The following ARHGAP26 variants were observed in gnomAD, a reference collection of about 807,000 sequenced individuals.
ARHGAP26 encodes rho GTPase-activating protein 26.
A neutral mutation model predicts 104.8 loss-of-function variants in ARHGAP26; 38 were observed. The observed-to-expected ratio is 0.36, with a 90% confidence interval of 0.28 to 0.48. The LOEUF is 0.48. ARHGAP26 is among the 20% of genes least tolerant of loss of function. The pLI, the probability that ARHGAP26 is intolerant of heterozygous loss-of-function variation, is 0.99. For missense variants in ARHGAP26, 704 were observed against 947.9 expected (o/e 0.74, Z 3.38); for synonymous variants, 341 against 340.0 (o/e 1.00, Z -0.03).
rs375431090 is a variant in ARHGAP26, at chr5:142,903,609, C to A, written c.772C>A (p.Leu258Ile). Reference protein sequence around the residue: ...SLMKKMKENPLEHKTISPYTM... With the variant: ...SLMKKMKENPIEHKTISPYTM... ...GATGAAAAAGATGAAGGAGAATCCC[C>A]TTGAGCACAAGACCATCAGTCCCTA... Residue 258 changes from leucine (L) to isoleucine (I), a missense_variant, in exon 8 of 23, where the codon CTT becomes ATT. Transcript: ENST00000645722. 6.8e-6 allele frequency: 11 copies of A among 1,613,900 alleles called. No individual in the cohort carries two copies. The African/African-American group carries it at 1.3e-4, about 20-fold the overall frequency.
intron 17 of ARHGAP26, among the ~76,000 whole-genome samples, chr5:143,064,678 G>A (rs1787230724): frequency 6.6e-6 from 1 of 152,124 alleles, no homozygotes; most frequent in African/African-American, 2.4e-5. Flanking sequence ...AAATGGAAAG[G>A]AAGAAATCAG....
intron 11 of ARHGAP26, among the ~76,000 whole-genome samples, chr5:142,986,864 A>T (rs1212732973): frequency 2.6e-5 from 4 of 152,160 alleles, no homozygotes; most frequent in South Asian, 2.1e-4. Context: ...ATTGGTCTGT[A>T]TCTCTGTTTT....
At chr5:142,971,446 C>A (rs892359151) in intron 11 of ARHGAP26, among the ~76,000 whole-genome samples, 1 of 152,096 alleles carries the variant, frequency 6.6e-6, no homozygotes, top group Admixed American at 6.6e-5. Context: ...TCACTGAAGC[C>A]CTGGATTAGC....
chr5:142,890,871 A>G (rs1758561303), intron 5 of ARHGAP26, among the ~76,000 whole-genome samples: 1 of 152,250 alleles, frequency 6.6e-6, no homozygotes, highest in Non-Finnish European at 1.5e-5. Context: ...CTCACCAGCT[A>G]GGACATTGTA....
intron 1 of ARHGAP26, among the ~76,000 whole-genome samples, chr5:142,794,515 G>C (rs1291856883): frequency 6.6e-6 from 1 of 152,178 alleles, no homozygotes; most frequent in Non-Finnish European, 1.5e-5. Flanking sequence ...TACTTTGGGC[G>C]ATCAGGCTGT....
At position 143,180,212 on chromosome 5, in the gene ARHGAP26, G is replaced by A. The variant is rs556962363; in HGVS notation, c.1989-26986G>A. 2.6e-5 allele frequency among the ~76,000 whole-genome samples: 4 copies of A among 152,134 alleles called. No individual in the cohort carries two copies. In the East Asian group the frequency reaches 7.7e-4, roughly 29 times the overall value. On this transcript the variant is annotated intron_variant, in intron 20 of 22. Coordinates refer to ENST00000645722, the MANE Select transcript of ARHGAP26 (RefSeq NM_001135608.3). ...GCGATCTTGGCTCACTGCAACCTCCGCCTCCTGGGTTCAAGCGATTCCCCT... is the reference window on the plus strand; with the variant it reads ...GCGATCTTGGCTCACTGCAACCTCCACCTCCTGGGTTCAAGCGATTCCCCT...
At chr5:143,200,597 C>A (rs1599485311) in intron 20 of ARHGAP26, among the ~76,000 whole-genome samples, 1 of 151,454 alleles carries the variant, frequency 6.6e-6, no homozygotes, top group South Asian at 2.1e-4. Flanking sequence ...TATAATTCTC[C>A]AAAAAAAAGC....
chr5:142,919,598 A>G (rs1435625223), intron 10 of ARHGAP26, among the ~76,000 whole-genome samples: 1 of 151,994 alleles, frequency 6.6e-6, no homozygotes, highest in Non-Finnish European at 1.5e-5. Flanking sequence ...TTGCCAAGGA[A>G]CCCCACTTCA....
intron 17 of ARHGAP26, among the ~76,000 whole-genome samples, chr5:143,073,677 G>A (rs1252452127): frequency 2.0e-5 from 3 of 152,160 alleles, no homozygotes; most frequent in Non-Finnish European, 4.4e-5. Flanking sequence ...GATTACTTTT[G>A]TATTTAAAAA....
At chr5:142,965,656 A>G (rs1029283912) in intron 11 of ARHGAP26, among the ~76,000 whole-genome samples, 5 of 152,122 alleles carry the variant, frequency 3.3e-5, no homozygotes, top group African/African-American at 9.7e-5. Context: ...AATGATATTC[A>G]TATATAATCA....
At chr5:142,906,583 T>G (rs1034843381) in intron 8 of ARHGAP26, among the ~76,000 whole-genome samples, 3 of 152,244 alleles carry the variant, frequency 2.0e-5, no homozygotes, top group African/African-American at 7.2e-5. Flanking sequence ...TGGGTTCCTC[T>G]TTTGTTCAGG....
chr5:143,085,423 CAA>C (rs953845031), intron 17 of ARHGAP26, among the ~76,000 whole-genome samples: 1 of 151,828 alleles, frequency 6.6e-6, no homozygotes, highest in African/African-American at 2.4e-5. Context: ...AAGAGGGGGA[CAA>C]GAGGGAAGAG....
chr5:142,832,540 T>C (rs1405291459), intron 1 of ARHGAP26, among the ~76,000 whole-genome samples: 2 of 152,216 alleles, frequency 1.3e-5, no homozygotes, highest in Non-Finnish European at 2.9e-5. Flanking sequence ...CTTTTTCTTA[T>C]GGCAGCTCAA....
chr5:143,095,282 G>A (rs1792136927), intron 17 of ARHGAP26, among the ~76,000 whole-genome samples: 2 of 151,938 alleles, frequency 1.3e-5, no homozygotes, highest in Non-Finnish European at 2.9e-5. Context: ...TTAGTACATT[G>A]ACAGTATTAT....
intron 1 of ARHGAP26, among the ~76,000 whole-genome samples, chr5:142,851,993 C>G (rs1751605725): frequency 6.6e-6 from 1 of 152,194 alleles, no homozygotes; most frequent in Non-Finnish European, 1.5e-5. Context: ...TCATGTTGAC[C>G]AGAAATTCAG....
intron 20 of ARHGAP26, among the ~76,000 whole-genome samples, chr5:143,204,548 A>G (rs1295980359): frequency 6.6e-6 from 1 of 152,204 alleles, no homozygotes; most frequent in Non-Finnish European, 1.5e-5. Context: ...TGCAGTTGAT[A>G]CTACGGTAAT....
At chr5:143,111,717 T>C (rs1158640423) in intron 17 of ARHGAP26, among the ~76,000 whole-genome samples, 1 of 152,252 alleles carries the variant, frequency 6.6e-6, no homozygotes, top group Non-Finnish European at 1.5e-5. Context: ...TGTGAGCTCA[T>C]GCTATATTAT....
At position 143,222,553 on chromosome 5, in the gene ARHGAP26, ACT is replaced by A. The variant is rs146993105; in HGVS notation, c.*110_*111del. On this transcript the variant is annotated 3_prime_UTR_variant, in exon 23 of 23. Coordinates refer to ENST00000645722, the MANE Select transcript of ARHGAP26 (RefSeq NM_001135608.3). Reference sequence around the variant, plus strand: ...GCCACTGAGAAATGCAGCGTGACTGACTCTGTTGCTACCTGTCAACATGAATG... The same window carrying A: ...GCCACTGAGAAATGCAGCGTGACTGACTGTTGCTACCTGTCAACATGAATG... 4.2e-4 allele frequency: 344 copies of A among 820,208 alleles called. 1 individual carries two copies. Among genetic ancestry groups the A allele is most frequent in the Non-Finnish European group, 3.4e-4 (186 of 551,020 alleles). The allele number at this position is 820,208 out of a possible 1,614,324, so 50.8% of individuals were successfully genotyped here. A position where few individuals can be genotyped will look rare whatever the true frequency, so the allele number is the denominator to read the frequency against.
intron 1 of ARHGAP26, among the ~76,000 whole-genome samples, chr5:142,790,821 A>T (rs1319557979): frequency 2.6e-5 from 4 of 152,146 alleles, no homozygotes; most frequent in Non-Finnish European, 5.9e-5. Context: ...GTCCTCTCAG[A>T]GAGTCCTCCT....
Sources: allele counts gnomAD v4.1 joint callset (sites outside exome capture counted in the v4.1 genomes callset), GRCh38; gene constraint gnomAD v4.1.1; transcripts MANE v1.5; gene names NCBI Gene and HGNC (gene_info 2026-07-23, HGNC 2026-07-21).